The following PARP11 variants were observed in gnomAD, a reference collection of about 807,000 sequenced individuals.
The protein encoded by PARP11 is protein mono-ADP-ribosyltransferase PARP11.
PARP11 carries 31 observed loss-of-function variants against 42.9 expected under a neutral mutation model. That is an observed-to-expected ratio of 0.72 (90% CI 0.54 to 0.98). PARP11 has a LOEUF of 0.98. PARP11 is among the 50% of genes least tolerant of loss of function. The pLI is 0.00. For synonymous variants in PARP11, 137 were observed against 127.3 expected, an observed-to-expected ratio of 1.08 and a Z score of -0.51; for missense variants, 365 against 413.1, an observed-to-expected ratio of 0.88 and a Z score of 1.01.
chr12:3,867,957 C>T (rs1207275281), intron 1 of PARP11, among the ~76,000 whole-genome samples: 1 of 152,168 alleles, frequency 6.6e-6, no homozygotes, highest in Non-Finnish European at 1.5e-5. Context: ...TCCTAAACAT[C>T]TGACAGCGCC....
At chr12:3,868,956 T>G (rs1948432827) in intron 1 of PARP11, among the ~76,000 whole-genome samples, 1 of 152,220 alleles carries the variant, frequency 6.6e-6, no homozygotes, top group South Asian at 2.1e-4. Context: ...TGAGTTTGAT[T>G]CCCTTCTAAA....
intron 1 of PARP11, among the ~76,000 whole-genome samples, chr12:3,844,625 C>T (rs1947962149): frequency 6.6e-6 from 1 of 152,186 alleles, no homozygotes; most frequent in Admixed American, 6.5e-5. Context: ...TTCATTGTCA[C>T]TTTGTCTTAC....
At chr12:3,850,761 C>CTT (rs143261427) in intron 1 of PARP11, among the ~76,000 whole-genome samples, 2,647 of 152,268 alleles carry the variant, frequency 0.017, 119 homozygotes, top group East Asian at 0.14. Flanking sequence ...TTATATTTAT[C>CTT]TACAAAACAG....
chr12:3,861,920 G>A lies in PARP11; in HGVS notation c.18+11292C>T, dbSNP rs1948300212. Among the ~76,000 whole-genome samples, 1 of 152,104 alleles carries A rather than the reference G, an allele frequency of 6.6e-6. No homozygotes were observed. Among genetic ancestry groups the A allele is most frequent in the Admixed American group, 6.5e-5 (1 of 15,282 alleles). ...GGTGCCTATAGTCCCAGCTACTCGG[G>A]AGGCTGAGACAGGAGAATGGCGTGA... is the stretch of plus-strand genomic sequence containing the variant. On this transcript the variant is annotated intron_variant, in intron 1 of 7. Coordinates refer to ENST00000228820, the MANE Select transcript of PARP11 (RefSeq NM_020367.6). This position sits in a 1 kb window ranked among gnomAD's most constrained non-coding sequence, Gnocchi z 4.6.
At chr12:3,828,523 G>C (rs1183330611) in intron 3 of PARP11, among the ~76,000 whole-genome samples, 1 of 148,648 alleles carries the variant, frequency 6.7e-6, no homozygotes, top group African/African-American at 2.5e-5. Flanking sequence ...ACACCAGCCT[G>C]GGCAACACAG....
chr12:3,848,468 A>G (rs1006372054), intron 1 of PARP11, among the ~76,000 whole-genome samples: 1 of 152,212 alleles, frequency 6.6e-6, no homozygotes, highest in Non-Finnish European at 1.5e-5. Context: ...ACATAGACCA[A>G]TGGAACAGAA....
At chr12:3,873,186 C>A in intron 1 of PARP11, 26 bp downstream of exon 1, 2 of 1,533,904 alleles carry the variant, frequency 1.3e-6, no homozygotes, top group Non-Finnish European at 8.8e-7. Context: ...CCCCCTGGGC[C>A]CGCCCCGTCC....
At chr12:3,841,840 T>C (rs1947894931) in intron 1 of PARP11, 3 of 1,609,126 alleles carry the variant, frequency 1.9e-6, no homozygotes, top group Non-Finnish European at 8.5e-7. Context: ...GAAAGGAGAA[T>C]TGGATCTGTC....
chr12:3,839,356 C>T (rs1385489197), intron 1 of PARP11: 1 of 1,537,444 alleles, frequency 6.5e-7, no homozygotes, highest in East Asian at 2.4e-5. Flanking sequence ...CGCGGGGCCC[C>T]GCGAGGACGC....
At chr12:3,826,134 C>T in intron 4 of PARP11, 24 bp downstream of exon 4, 1 of 1,449,532 alleles carries the variant, frequency 6.9e-7, no homozygotes, top group African/African-American at 1.4e-5. Flanking sequence ...CCCACTCTTT[C>T]CACCCCTATT....
At chr12:3,862,273 C>A (rs534876735) in intron 1 of PARP11, among the ~76,000 whole-genome samples, 1 of 151,952 alleles carries the variant, frequency 6.6e-6, no homozygotes, top group African/African-American at 2.4e-5. Context: ...GGGAACATAG[C>A]AAAACCCCAT....
intron 1 of PARP11, 41 bp downstream of exon 1, chr12:3,873,170 AC>A: frequency 6.7e-7 from 1 of 1,496,016 alleles, no homozygotes; most frequent in Non-Finnish European, 9.1e-7. Context: ...TCTCTCATCA[AC>A]CCCGCCCCCT....
At chr12:3,851,492 G>T (rs982806304) in intron 1 of PARP11, among the ~76,000 whole-genome samples, 3 of 152,244 alleles carry the variant, frequency 2.0e-5, no homozygotes, top group Admixed American at 2.0e-4. Context: ...CATGCCCACA[G>T]AGCCTTGCTC....
At chr12:3,813,578 G>A (rs1947225330) in intron 7 of PARP11, among the ~76,000 whole-genome samples, 1 of 152,184 alleles carries the variant, frequency 6.6e-6, no homozygotes, top group African/African-American at 2.4e-5. Flanking sequence ...AAGTGGAATG[G>A]CCTTTTTAGT....
chr12:3,825,133 T>A lies in PARP11; in HGVS notation c.344+1025A>T, dbSNP rs184113560. On this transcript the variant is annotated intron_variant, in intron 4 of 7. Coordinates refer to ENST00000228820, the MANE Select transcript of PARP11 (RefSeq NM_020367.6). ...CCTTTTTTTTTTTCCAGTTTCATTT[T>A]AAATTATTTGAACAAAAAAGAATTT... 2.9e-3 allele frequency among the ~76,000 whole-genome samples: 439 copies of A among 152,296 alleles called. 5 individuals carry two copies. Among genetic ancestry groups the A allele is most frequent in the Middle Eastern group, 0.01 (3 of 294 alleles).
rs543402886 is a variant in PARP11, at chr12:3,861,815, G to A, written c.18+11397C>T. On this transcript the variant is annotated intron_variant, in intron 1 of 7. Coordinates refer to ENST00000228820, the MANE Select transcript of PARP11 (RefSeq NM_020367.6). The surrounding 1 kb of genome is among the most constrained non-coding windows in gnomAD (Gnocchi z 4.6). The stretch of plus-strand genomic sequence containing the variant: ...CGAGGCGGGCGGATCACGAGGTCAG[G>A]AGATTGAGACCATCCTGGCTAACAC... Among the ~76,000 whole-genome samples the A allele has an allele frequency of 1.1e-4, 16 of 152,074 alleles. No individual in the cohort carries two copies. Among genetic ancestry groups the A allele is most frequent in the African/African-American group, 3.6e-4 (15 of 41,482 alleles).
At chr12:3,832,444 A>C (rs1232509448) in intron 1 of PARP11, among the ~76,000 whole-genome samples, 2 of 152,206 alleles carry the variant, frequency 1.3e-5, no homozygotes, top group African/African-American at 4.8e-5. Flanking sequence ...TTCTTCCCCT[A>C]AGTTACCAAG....
intron 1 of PARP11, among the ~76,000 whole-genome samples, chr12:3,839,004 G>A (rs1947826467): frequency 6.6e-6 from 1 of 152,168 alleles, no homozygotes; most frequent in Non-Finnish European, 1.5e-5. Flanking sequence ...CCGTCGGGAA[G>A]TGACTACTCA....
intron 1 of PARP11, among the ~76,000 whole-genome samples, chr12:3,858,928 T>TA (rs889062659): frequency 1.8e-3 from 256 of 145,588 alleles, no homozygotes; most frequent in Non-Finnish European, 1.7e-3. Flanking sequence ...CATCTCTATT[T>TA]AAAAAAAAAA....
Sources: gnomAD v4.1 joint callset for allele counts (sites outside exome capture counted in the v4.1 genomes callset) on GRCh38, gnomAD v4.1.1 for gene constraint, Gnocchi (gnomAD v3.1) non-coding constraint, MANE v1.5 for transcripts, NCBI Gene and HGNC (gene_info 2026-07-23, HGNC 2026-07-21) for gene names.